The following NOL10 variants were observed in gnomAD, a reference collection of about 807,000 sequenced individuals.
NOL10 encodes the protein nucleolar protein 10.
NOL10 carries 58 observed loss-of-function variants against 103.5 expected under a neutral mutation model. The ratio of observed to expected loss-of-function variants is 0.56; its 90% CI spans 0.45 to 0.70. NOL10 has a LOEUF of 0.70. NOL10 is among the 30% of genes least tolerant of loss of function. The pLI, the probability that NOL10 is intolerant of heterozygous loss-of-function variation, is 0.00. For synonymous variants in NOL10, 287 were observed against 282.5 expected (o/e 1.02, Z -0.16); for missense variants, 763 against 807.3 (o/e 0.95, Z 0.67).
intron 4 of NOL10, among the ~76,000 whole-genome samples, chr2:10,674,463 CTG>C (rs763280067): frequency 8.4e-4 from 128 of 152,262 alleles, no homozygotes; most frequent in Non-Finnish European, 1.4e-3. Context: ...TGGGTAGAAA[CTG>C]TGAATTGATA....
At chr2:10,606,898 A>G (rs1676289453) in intron 14 of NOL10, among the ~76,000 whole-genome samples, 1 of 152,182 alleles carries the variant, frequency 6.6e-6, no homozygotes, top group African/African-American at 2.4e-5. Flanking sequence ...CTTTCGTGAC[A>G]ATTTTTTTCC....
intron 1 of NOL10, among the ~76,000 whole-genome samples, chr2:10,687,296 G>C (rs1004725206): frequency 6.6e-6 from 1 of 152,158 alleles, no homozygotes; most frequent in South Asian, 2.1e-4. Flanking sequence ...TGCCAAAGTC[G>C]ATGGTCATTT....
intron 11 of NOL10, among the ~76,000 whole-genome samples, chr2:10,655,876 G>A (rs1003063096): frequency 2.6e-5 from 4 of 152,132 alleles, no homozygotes; most frequent in Non-Finnish European, 4.4e-5. Context: ...TGAAGAACAC[G>A]GCCAAGTCCT....
At chr2:10,670,597 T>C (rs1357714259) in intron 6 of NOL10, among the ~76,000 whole-genome samples, 1 of 151,996 alleles carries the variant, frequency 6.6e-6, no homozygotes, top group Non-Finnish European at 1.5e-5. Flanking sequence ...TAGCTGGGCA[T>C]GGTGGCAGGC....
intron 16 of NOL10, among the ~76,000 whole-genome samples, chr2:10,602,253 T>TG (rs1044602533): frequency 6.6e-6 from 1 of 152,240 alleles, no homozygotes; most frequent in African/African-American, 2.4e-5. Flanking sequence ...TCTGAGTTGG[T>TG]GGCTGCTTCC....
intron 13 of NOL10, among the ~76,000 whole-genome samples, chr2:10,625,672 T>C (rs1204912070): frequency 6.6e-6 from 1 of 152,078 alleles, no homozygotes; most frequent in Non-Finnish European, 1.5e-5. Flanking sequence ...TCTAGAGCAA[T>C]TTACGGTGCT....
chr2:10,601,512 G>A (rs1675975463), intron 16 of NOL10, among the ~76,000 whole-genome samples: 1 of 152,090 alleles, frequency 6.6e-6, no homozygotes, highest in Admixed American at 6.5e-5. Context: ...GGCACTGAGA[G>A]CCTCTTTCCA....
At chr2:10,686,994 T>C in intron 1 of NOL10, among the ~76,000 whole-genome samples, 1 of 152,208 alleles carries the variant, frequency 6.6e-6, no homozygotes, top group East Asian at 1.9e-4. Flanking sequence ...ATGTGATAGT[T>C]ATCGATATGC....
intron 5 of NOL10, among the ~76,000 whole-genome samples, chr2:10,672,355 T>A (rs1375828023): frequency 6.6e-6 from 1 of 152,004 alleles, no homozygotes; most frequent in East Asian, 1.9e-4. Flanking sequence ...AAAATAATAA[T>A]AATCCCACCA....
At chr2:10,596,237 A>C in intron 17 of NOL10, among the ~76,000 whole-genome samples, 1 of 102,102 alleles carries the variant, frequency 9.8e-6, no homozygotes, top group African/African-American at 4.1e-5. Flanking sequence ...TCGGAAGACA[A>C]GTTTTCCACA....
intron 9 of NOL10, among the ~76,000 whole-genome samples, chr2:10,662,407 T>A (rs1044099194): frequency 1.3e-5 from 2 of 152,194 alleles, no homozygotes; most frequent in Admixed American, 6.5e-5. Context: ...TAACCTGAGG[T>A]TATGTTTTCT....
At chr2:10,590,912 A>G (rs1249633920) in intron 17 of NOL10, 1 of 152,240 alleles carries the variant, frequency 6.6e-6, no homozygotes, top group African/African-American at 2.4e-5. Flanking sequence ...AACAGCCCTG[A>G]ACACTGCTGG....
intron 13 of NOL10, among the ~76,000 whole-genome samples, chr2:10,628,273 C>A (rs1677610254): frequency 6.6e-6 from 1 of 152,158 alleles, no homozygotes; most frequent in African/African-American, 2.4e-5. Flanking sequence ...AAATAACACA[C>A]ACAGGTACAC....
At chr2:10,588,014 T>A (rs1484343836) in intron 19 of NOL10, among the ~76,000 whole-genome samples, 1 of 152,194 alleles carries the variant, frequency 6.6e-6, no homozygotes, top group African/African-American at 2.4e-5. Context: ...ACTATTCTTT[T>A]AAGACATCTC....
At chr2:10,601,072 T>C in intron 16 of NOL10, 130 bp from the exon 17 acceptor site, 1 of 411,608 alleles carries the variant, frequency 2.4e-6, no homozygotes, top group South Asian at 3.6e-5. Flanking sequence ...TATTTTATTA[T>C]TTTTTTTTTG....
In NOL10 at chr2:10,652,304, G is replaced by A. The variant is rs190717229; in HGVS notation, c.973+2177C>T. ...ATGGGCACCAGAAACAGGAAGGCTG[G>A]GTTCTAAATGAGGCTCTGCCACACA... On this transcript the variant is annotated intron_variant, in intron 12 of 20. Transcript: ENST00000381685. Among the ~76,000 whole-genome samples the A allele has an allele frequency of 3.5e-3, 530 of 151,656 alleles. 5 individuals carry two copies. Among genetic ancestry groups the A allele is most frequent in the Non-Finnish European group, 5.5e-3 (371 of 67,926 alleles).
chr2:10,580,738 C>T (rs918820165), intron 19 of NOL10, among the ~76,000 whole-genome samples: 15 of 152,198 alleles, frequency 9.9e-5, no homozygotes, highest in Middle Eastern at 3.2e-3. Context: ...TACGAACACA[C>T]GCGCACACAC....
intron 17 of NOL10, among the ~76,000 whole-genome samples, chr2:10,591,772 G>A (rs972024618): frequency 1.3e-5 from 2 of 152,160 alleles, no homozygotes; most frequent in African/African-American, 4.8e-5. Context: ...GGGAGGCTGA[G>A]GTGGGAGGAC....
chr2:10,612,743 A>G (rs1265299818), intron 13 of NOL10, among the ~76,000 whole-genome samples: 1 of 152,144 alleles, frequency 6.6e-6, no homozygotes, highest in Non-Finnish European at 1.5e-5. Flanking sequence ...ACCTCAGGTG[A>G]TCTGCCCATC....
Sources: gnomAD v4.1 joint callset for allele counts (sites outside exome capture counted in the v4.1 genomes callset) on GRCh38, gnomAD v4.1.1 for gene constraint, MANE v1.5 for transcripts, NCBI Gene and HGNC (gene_info 2026-07-23, HGNC 2026-07-21) for gene names.